The following NRXN1 variants were observed in gnomAD, a reference collection of about 807,000 sequenced individuals.
The protein encoded by NRXN1 is neurexin 1.
In NRXN1, 39 loss-of-function variants were observed where a neutral mutation model predicts 150.9. That is an observed-to-expected ratio of 0.26 (90% confidence interval 0.20 to 0.34). The LOEUF is 0.34. Among genes scored for constraint, NRXN1 ranks in the 10% least tolerant of loss-of-function variants. NRXN1 has a pLI of 1.00. For synonymous variants in NRXN1, 924 were observed against 757.0 expected (o/e 1.22, Z -3.62); for missense variants, 1,815 against 1,949.9 (o/e 0.93, Z 1.30).
chr2:50,658,972 C>G (rs894038051), intron 5 of NRXN1, among the ~76,000 whole-genome samples: 1 of 152,006 alleles, frequency 6.6e-6, no homozygotes, highest in African/African-American at 2.4e-5. Flanking sequence ...GAGCCATGAA[C>G]TCAAAAAGAT....
chr2:50,465,653 C>T, intron 16 of NRXN1, 92 bp from the exon 17 acceptor site: 1 of 1,337,000 alleles, frequency 7.5e-7, no homozygotes, highest in Non-Finnish European at 1.0e-6. Context: ...GTTGCCAACA[C>T]CACAGATGAT....
chr2:50,674,328 G>C (rs1366727942), intron 5 of NRXN1, among the ~76,000 whole-genome samples: 1 of 152,086 alleles, frequency 6.6e-6, no homozygotes, highest in African/African-American at 2.4e-5. Context: ...AAGTAGTCTG[G>C]ACATCAGAAG....
At chr2:50,255,734 G>T (rs1455213174) in intron 17 of NRXN1, among the ~76,000 whole-genome samples, 1 of 152,042 alleles carries the variant, frequency 6.6e-6, no homozygotes, top group Non-Finnish European at 1.5e-5. Context: ...ATGGGTTATT[G>T]TATTCAAATA....
intron 17 of NRXN1, among the ~76,000 whole-genome samples, chr2:50,336,555 T>C (rs1454472278): frequency 1.3e-5 from 2 of 152,238 alleles, no homozygotes; most frequent in African/African-American, 4.8e-5. Flanking sequence ...ATTCCTTTCA[T>C]CTCAGGAGAG....
At chr2:49,940,719 G>A (rs1482206602) in intron 22 of NRXN1, among the ~76,000 whole-genome samples, 1 of 152,122 alleles carries the variant, frequency 6.6e-6, no homozygotes, top group Admixed American at 6.6e-5. Context: ...AAGCATTAAA[G>A]ACAGGCTTGA....
intron 21 of NRXN1, among the ~76,000 whole-genome samples, chr2:50,051,749 A>T (rs1015450296): frequency 4.6e-5 from 7 of 152,082 alleles, no homozygotes; most frequent in Non-Finnish European, 8.8e-5. Flanking sequence ...TCCTACTAAA[A>T]TGTATATTCT....
intron 21 of NRXN1, among the ~76,000 whole-genome samples, chr2:49,976,368 G>C (rs187212483): frequency 6.6e-6 from 1 of 151,956 alleles, no homozygotes; most frequent in African/African-American, 2.4e-5. Context: ...TAAACTATCA[G>C]TTAATAGTGG....
intron 21 of NRXN1, among the ~76,000 whole-genome samples, chr2:50,002,629 A>T (rs1684135768): frequency 6.6e-6 from 1 of 152,128 alleles, no homozygotes; most frequent in East Asian, 1.9e-4. Context: ...GGTTTTGCTG[A>T]CAAAACTAAT....
chr2:50,559,665 T>G (rs1233405477), intron 8 of NRXN1, among the ~76,000 whole-genome samples: 2 of 152,166 alleles, frequency 1.3e-5, no homozygotes, highest in Admixed American at 6.5e-5. Flanking sequence ...ATACACTATA[T>G]GTCAAATTTA....
intron 2 of NRXN1, among the ~76,000 whole-genome samples, chr2:50,984,203 T>G (rs1697316356): frequency 7.1e-6 from 1 of 140,218 alleles, no homozygotes; most frequent in Admixed American, 7.6e-5. Context: ...TAGGCTGGTC[T>G]CAAACTCCTG....
intron 8 of NRXN1, among the ~76,000 whole-genome samples, chr2:50,594,125 T>G (rs1639510135): frequency 6.6e-6 from 1 of 152,192 alleles, no homozygotes; most frequent in South Asian, 2.1e-4. Context: ...TGCTGAACTG[T>G]GAGTCAATTA....
Position 50,955,290 on chromosome 2 carries a change from C to A in NRXN1, c.773-29335G>T, listed in dbSNP as rs547280383. 5.3e-5 allele frequency among the ~76,000 whole-genome samples: 8 copies of A among 152,262 alleles called. No individual in the cohort carries two copies. The South Asian group carries it at 1.7e-3, about 32-fold the overall frequency. ...TAGTAAATAAAAAACAGGAGAGGGA[C>A]GGCTGGCCCTGACTGTCACCAGCTG... On this transcript the variant is annotated intron_variant, in intron 2 of 22. Transcript: ENST00000401669.
intron 17 of NRXN1, among the ~76,000 whole-genome samples, chr2:50,293,882 T>G (rs1201613386): frequency 1.3e-5 from 2 of 152,202 alleles, no homozygotes; most frequent in African/African-American, 4.8e-5. Context: ...GAAGGTTTCC[T>G]GTGTTTTCTC....
intron 14 of NRXN1, among the ~76,000 whole-genome samples, chr2:50,496,365 A>G (rs1487492720): frequency 2.0e-5 from 3 of 152,198 alleles, no homozygotes; most frequent in African/African-American, 7.2e-5. Flanking sequence ...TTTGGAAAGC[A>G]ATATCTTTCA....
chr2:50,814,606 C>T (rs1397079180), intron 5 of NRXN1, among the ~76,000 whole-genome samples: 1 of 152,072 alleles, frequency 6.6e-6, no homozygotes, highest in East Asian at 1.9e-4. Context: ...TGTCTTTTTT[C>T]CATTCTAAAT....
chr2:50,579,467 G>A (rs960495545), intron 8 of NRXN1, among the ~76,000 whole-genome samples: 1 of 152,124 alleles, frequency 6.6e-6, no homozygotes, highest in Non-Finnish European at 1.5e-5. Flanking sequence ...AGATCAGCCT[G>A]GGCAACACAG....
At chr2:50,545,710 T>C (rs1033883275) in intron 9 of NRXN1, among the ~76,000 whole-genome samples, 3 of 152,200 alleles carry the variant, frequency 2.0e-5, no homozygotes, top group African/African-American at 7.2e-5. Flanking sequence ...CTTATTCATT[T>C]ATGATGAGAA....
At chr2:50,584,338 A>G (rs1279397309) in intron 8 of NRXN1, among the ~76,000 whole-genome samples, 1 of 152,134 alleles carries the variant, frequency 6.6e-6, no homozygotes, top group Non-Finnish European at 1.5e-5. Flanking sequence ...ATATGTTCCT[A>G]TATTTCTAGG....
At chr2:50,854,356 C>T (rs1327567868) in intron 5 of NRXN1, among the ~76,000 whole-genome samples, 1 of 151,974 alleles carries the variant, frequency 6.6e-6, no homozygotes, top group Non-Finnish European at 1.5e-5. Context: ...TAAGCATATC[C>T]AAATGCTAAA....
Sources: gnomAD v4.1 joint callset for allele counts (sites outside exome capture counted in the v4.1 genomes callset) on GRCh38, gnomAD v4.1.1 for gene constraint, MANE v1.5 for transcripts, NCBI Gene and HGNC (gene_info 2026-07-23, HGNC 2026-07-21) for gene names.